Variants in SUN5 observed in about 807,000 individuals in gnomAD.
SUN5 encodes the protein SUN domain-containing protein 5.
In SUN5, 44 loss-of-function variants were observed where a neutral mutation model predicts 53.7. The ratio of observed to expected loss-of-function variants is 0.82; its 90% confidence interval spans 0.64 to 1.05. SUN5 has a LOEUF of 1.05. SUN5 is among the 50% of genes least tolerant of loss of function. SUN5 has a pLI of 0.00. For missense variants in SUN5, 433 were observed against 483.8 expected (o/e 0.90, Z 0.98); for synonymous variants, 166 against 179.8 (o/e 0.92, Z 0.62).
chr20:33,003,198 A>T (rs181072680), intron 1 of SUN5, among the ~76,000 whole-genome samples: 1 of 152,162 alleles, frequency 6.6e-6, no homozygotes, highest in Admixed American at 6.5e-5. Context: ...CTCCTACCCA[A>T]TGTGATTTTA....
intron 5 of SUN5, among the ~76,000 whole-genome samples, chr20:32,998,175 C>CAAAAAAAAAAAAAAAAAAAAAA (rs35729664): frequency 1.7e-5 from 1 of 59,718 alleles, no homozygotes; most frequent in Non-Finnish European, 3.2e-5. Flanking sequence ...CCCATCTCTA[C>CAAAAAAAAAAAAAAAAAAAAAA]AAAAAAAAAA....
chr20:32,986,993 G>A (rs1989562638), intron 10 of SUN5, among the ~76,000 whole-genome samples: 1 of 152,214 alleles, frequency 6.6e-6, no homozygotes, highest in African/African-American at 2.4e-5. Flanking sequence ...AGATCTTGGA[G>A]CTCCTTAAGG....
intron 7 of SUN5, among the ~76,000 whole-genome samples, 163 bp downstream of exon 7, chr20:32,996,161 A>C (rs775951547): frequency 2.0e-5 from 3 of 152,242 alleles, no homozygotes; most frequent in Non-Finnish European, 2.9e-5. Context: ...CAGAGAGAAT[A>C]GGTGACTTGC....
In SUN5 at chr20:33,002,523, C is replaced by G. The variant is rs551507787; in HGVS notation, c.211+64G>C. 13 of 1,559,174 alleles carry G rather than the reference C, an allele frequency of 8.3e-6. No individual in the cohort carries two copies. In the Admixed American group the frequency reaches 2.0e-4, roughly 24 times the overall value. ...TTGCCACCCCCAGGTCAGCCTGGGC[C>G]GAGGCTGGACCCTCTCCCCAGACCC... On this transcript the variant is annotated intron_variant, in intron 3 of 12. Transcript: ENST00000356173.
chr20:33,001,426 C>T, intron 3 of SUN5, 148 bp from the exon 4 acceptor site: 2 of 842,238 alleles, frequency 2.4e-6, no homozygotes, highest in South Asian at 1.6e-5. Context: ...GAACCAGGCT[C>T]TGCTTATGGG....
At chr20:32,986,763 T>C (rs1989552235) in intron 10 of SUN5, among the ~76,000 whole-genome samples, 3 of 152,158 alleles carry the variant, frequency 2.0e-5, no homozygotes, top group Admixed American at 6.5e-5. Context: ...GCTCCAAACC[T>C]GACTGCAGCC....
chr20:32,997,428 G>T (rs1989881265), intron 6 of SUN5, among the ~76,000 whole-genome samples: 1 of 152,086 alleles, frequency 6.6e-6, no homozygotes, highest in Admixed American at 6.5e-5. Flanking sequence ...CTTGGAGGAG[G>T]GACTATTGCA....
intron 1 of SUN5, 109 bp downstream of exon 1, chr20:33,004,155 T>A: frequency 3.3e-6 from 4 of 1,229,284 alleles, no homozygotes; most frequent in Non-Finnish European, 4.3e-6. Flanking sequence ...TTGGTGGCTG[T>A]CTCTGTACAG....
chr20:33,002,164 C>A (rs1405474834), intron 3 of SUN5, among the ~76,000 whole-genome samples: 2 of 89,946 alleles, frequency 2.2e-5, no homozygotes, highest in Non-Finnish European at 4.5e-5. Flanking sequence ...GAATGGCTGT[C>A]TGGCTTGGAG....
At chr20:32,999,765 T>G in intron 5 of SUN5, 1 of 715,102 alleles carries the variant, frequency 1.4e-6, no homozygotes, top group Non-Finnish European at 2.3e-6. Context: ...ATTCCTTTGC[T>G]TGGGAAAGCT....
chr20:32,996,733 T>C (rs1989861705), intron 6 of SUN5, among the ~76,000 whole-genome samples: 1 of 151,394 alleles, frequency 6.6e-6, no homozygotes, highest in Non-Finnish European at 1.5e-5. Flanking sequence ...CACCCACTCA[T>C]CTATCCCATC....
At position 32,989,564 on chromosome 20, in the gene SUN5, G is replaced by C. The variant is rs372018732; in HGVS notation, c.613+56C>G. ...ACACCAGAACTGAAACCCACCCTGT[G>C]TACAGCTTCCCAGGACACTTGAGGC... On this transcript the variant is annotated intron_variant, in intron 9 of 12. Transcript: ENST00000356173. 2.8e-5 allele frequency: 43 copies of C among 1,517,820 alleles called. No homozygotes were observed. The African/African-American group carries it at 4.8e-4, about 17-fold the overall frequency. 94.0% of individuals were successfully genotyped at this position (1,517,820 alleles called of 1,614,324 possible). A position where few individuals can be genotyped will look rare whatever the true frequency, so the allele number is the denominator to read the frequency against.
At chr20:32,985,531 G>A (rs1289157682) in intron 11 of SUN5, among the ~76,000 whole-genome samples, 1 of 152,026 alleles carries the variant, frequency 6.6e-6, no homozygotes, top group Admixed American at 6.5e-5. Flanking sequence ...GAAAAGCTTG[G>A]TTTAAAATAG....
intron 3 of SUN5, among the ~76,000 whole-genome samples, chr20:33,001,530 C>CTTTCT (rs1323135654): frequency 7.8e-6 from 1 of 128,192 alleles, no homozygotes; most frequent in African/African-American, 3.7e-5. Context: ...TTCTTTCTTT[C>CTTTCT]TTTCTTTCTT....
Position 33,002,584 on chromosome 20 carries a change from TAC to T in SUN5, c.211+1_211+2del. ...CGAAGGTGATTATTCAGTATATACG[TAC>T]ACACACATCCCAGCATGCACTGAGT... On this transcript the variant is annotated splice_donor_variant, in intron 3 of 12. Coordinates refer to ENST00000356173, the MANE Select transcript of SUN5 (RefSeq NM_080675.4). LOFTEE classifies it high-confidence loss of function. 1 of 1,614,114 alleles carries T rather than the reference TAC, an allele frequency of 6.2e-7. No individual in the cohort carries two copies. Among genetic ancestry groups the T allele is most frequent in the South Asian group, 1.1e-5 (1 of 91,090 alleles).
chr20:32,986,704 G>A (rs994219921), intron 10 of SUN5, among the ~76,000 whole-genome samples: 2 of 152,170 alleles, frequency 1.3e-5, no homozygotes, highest in African/African-American at 4.8e-5. Flanking sequence ...CTGGAGCTGG[G>A]AGAGGGCCCA....
chr20:32,984,862 C>T (rs991796922), intron 12 of SUN5, among the ~76,000 whole-genome samples: 1 of 152,232 alleles, frequency 6.6e-6, no homozygotes, highest in Admixed American at 6.5e-5. Context: ...CAAGAGGGCT[C>T]CTGGGCTCAT....
At position 33,002,336 on chromosome 20, in the gene SUN5, G is replaced by A. The variant is rs546559914; in HGVS notation, c.211+251C>T. On this transcript the variant is annotated intron_variant, in intron 3 of 12. Coordinates refer to ENST00000356173, the MANE Select transcript of SUN5 (RefSeq NM_080675.4). Reference sequence around the variant, plus strand: ...GGTGAAACCAGCAGCCAGACTGGTGGTAGAGGAGGGTTGGCAGTTAACTCC... The same window carrying A: ...GGTGAAACCAGCAGCCAGACTGGTGATAGAGGAGGGTTGGCAGTTAACTCC... 2.4e-3 allele frequency among the ~76,000 whole-genome samples: 362 copies of A among 152,248 alleles called. 1 individual carries two copies. The highest frequency in any genetic ancestry group is 4.4e-3 in the Non-Finnish European group (298 of 68,004).
intron 9 of SUN5, among the ~76,000 whole-genome samples, chr20:32,988,331 G>T (rs1157359735): frequency 1.3e-5 from 2 of 152,178 alleles, no homozygotes; most frequent in African/African-American, 4.8e-5. Flanking sequence ...GATCCTGGGG[G>T]TGCCCGAGTT....
Sources: allele counts gnomAD v4.1 joint callset (sites outside exome capture counted in the v4.1 genomes callset), GRCh38; gene constraint gnomAD v4.1.1; transcripts MANE v1.5; gene names NCBI Gene and HGNC (gene_info 2026-07-23, HGNC 2026-07-21).